NCS1: variants seen among roughly 807,000 people sequenced by gnomAD.
NCS1 encodes the protein frequenin homolog.
NCS1 carries 6 observed loss-of-function variants against 28.4 expected under a neutral mutation model. The observed-to-expected ratio is 0.21, with a 90% CI of 0.12 to 0.42. NCS1 has a LOEUF of 0.42. Ranked by LOEUF, NCS1 falls within the 10% of genes least tolerant of loss-of-function variation. The pLI is 1.00. For missense variants in NCS1, 131 were observed against 241.4 expected, an observed-to-expected ratio of 0.54 and a Z score of 3.03; for synonymous variants, 86 against 99.3, an observed-to-expected ratio of 0.87 and a Z score of 0.79.
chr9:130,173,405 A>C (rs114616401), intron 1 of NCS1, among the ~76,000 whole-genome samples: 3,792 of 152,142 alleles, frequency 0.025, 152 homozygotes, highest in African/African-American at 0.084. Context: ...CCGGAGGAGG[A>C]TGGCCTGTCC....
chr9:130,176,300 C>T (rs1249395327), intron 1 of NCS1, among the ~76,000 whole-genome samples: 1 of 151,498 alleles, frequency 6.6e-6, no homozygotes, highest in Non-Finnish European at 1.5e-5. Context: ...CCAAGCAATC[C>T]TCCTGCCTCA....
intron 1 of NCS1, among the ~76,000 whole-genome samples, chr9:130,179,082 G>A (rs1027713571): frequency 2.6e-5 from 4 of 151,004 alleles, no homozygotes; most frequent in Non-Finnish European, 5.9e-5. Context: ...ACAGGCATCC[G>A]CCACCACTCC....
At chr9:130,190,409 G>A (rs782628271) in intron 1 of NCS1, among the ~76,000 whole-genome samples, 5 of 152,066 alleles carry the variant, frequency 3.3e-5, no homozygotes, top group Admixed American at 2.6e-4. Flanking sequence ...TATTTTCTAC[G>A]TATGTAACTA....
Position 130,226,358 on chromosome 9 carries a change from T to C in NCS1, c.475-31T>C, listed in dbSNP as rs782766647. The C allele has an allele frequency of 5.0e-6, 8 of 1,588,374 alleles. No homozygotes were observed. In the Admixed American group the frequency reaches 1.0e-4, roughly 20 times the overall value. ...TCTAGAGCCCTCTCCTGGGAGGCCCTGCACCCTCAGCCGCCTCTCTCTGCT... is the reference window on the plus strand; with the variant it reads ...TCTAGAGCCCTCTCCTGGGAGGCCCCGCACCCTCAGCCGCCTCTCTCTGCT... On this transcript the variant is annotated intron_variant, in intron 6 of 7. Coordinates refer to ENST00000372398, the MANE Select transcript of NCS1 (RefSeq NM_014286.4). This position sits in a 1 kb window ranked among gnomAD's most constrained non-coding sequence, Gnocchi z 4.8.
intron 1 of NCS1, among the ~76,000 whole-genome samples, chr9:130,190,031 CAAGA>C (rs1564704734): frequency 2.7e-5 from 1 of 37,436 alleles, no homozygotes; most frequent in African/African-American, 9.5e-5. Flanking sequence ...TATGTTTATG[CAAGA>C]GAGAGAGAGA....
intron 7 of NCS1, among the ~76,000 whole-genome samples, chr9:130,231,754 T>C (rs2131164596): frequency 6.6e-6 from 1 of 152,118 alleles, no homozygotes; most frequent in Admixed American, 6.6e-5. Flanking sequence ...GTTAACTCTA[T>C]GTTTAACTTT....
chr9:130,210,340 A>G (rs12002772), intron 2 of NCS1, among the ~76,000 whole-genome samples: 1,609 of 150,508 alleles, frequency 0.011, 24 homozygotes, highest in African/African-American at 0.036. Context: ...CGGAAGTTGC[A>G]GTGAGTGTAG....
At chr9:130,194,220 A>G (rs1203961923) in intron 1 of NCS1, among the ~76,000 whole-genome samples, 1 of 152,118 alleles carries the variant, frequency 6.6e-6, no homozygotes, top group Non-Finnish European at 1.5e-5. Context: ...CAGACTTAAC[A>G]TCCTCCTGGG....
chr9:130,199,372 C>T (rs557229649), intron 1 of NCS1, among the ~76,000 whole-genome samples: 30 of 152,318 alleles, frequency 2.0e-4, no homozygotes, highest in African/African-American at 6.3e-4. Context: ...GGATTACAGG[C>T]GTGAGCCACC....
chr9:130,214,640 G>A (rs927746127), intron 2 of NCS1, among the ~76,000 whole-genome samples: 1 of 152,162 alleles, frequency 6.6e-6, no homozygotes, highest in Admixed American at 6.5e-5. Context: ...CAGGCAGGCT[G>A]AAGAGCAGGG....
chr9:130,206,805 C>A (rs870811), intron 2 of NCS1, among the ~76,000 whole-genome samples: 63,147 of 151,912 alleles, frequency 0.42, 13,549 homozygotes, highest in Admixed American at 0.49. Flanking sequence ...TCCTGAGCCC[C>A]GGCTTTCAGG....
At position 130,181,302 on chromosome 9, in the gene NCS1, G is replaced by A. The variant is rs539239830; in HGVS notation, c.64+8575G>A. On this transcript the variant is annotated intron_variant, in intron 1 of 7. Coordinates refer to ENST00000372398, the MANE Select transcript of NCS1 (RefSeq NM_014286.4). The surrounding 1 kb of genome is among the most constrained non-coding windows in gnomAD (Gnocchi z 5.0). Reference sequence around the variant, plus strand: ...TCTACTACACAGAGCCGTGTGCGGGGTTAGGAATAACAGACGTTGAACTTG... The same window carrying A: ...TCTACTACACAGAGCCGTGTGCGGGATTAGGAATAACAGACGTTGAACTTG... 3.3e-5 allele frequency among the ~76,000 whole-genome samples: 5 copies of A among 152,066 alleles called. No homozygotes were observed. In the South Asian group the frequency reaches 6.2e-4, roughly 19 times the overall value.
chr9:130,226,530 T>A lies in NCS1; in HGVS notation c.*17+26T>A. ...GTGAGTGCAGACTCGGGGCCTGGGG[T>A]GGGTCTGGGATGGGTCAGGGGTGAA... is the stretch of plus-strand genomic sequence containing the variant. On this transcript the variant is annotated intron_variant, in intron 7 of 7. Coordinates refer to ENST00000372398, the MANE Select transcript of NCS1 (RefSeq NM_014286.4). The surrounding 1 kb of genome is among the most constrained non-coding windows in gnomAD (Gnocchi z 4.8). 1 of 1,556,642 alleles carries A rather than the reference T, an allele frequency of 6.4e-7. No individual in the cohort carries two copies. The highest frequency in any genetic ancestry group is 8.8e-7 in the Non-Finnish European group (1 of 1,136,532).
intron 4 of NCS1, among the ~76,000 whole-genome samples, chr9:130,221,405 TATATATATAG>T (rs1426325126): frequency 6.1e-3 from 256 of 41,732 alleles, no homozygotes; most frequent in South Asian, 0.014. Flanking sequence ...TATATATATA[TATATATATAG>T]AGAGAGAGAG....
chr9:130,195,379 G>C (rs1832864718), intron 1 of NCS1, among the ~76,000 whole-genome samples: 1 of 152,000 alleles, frequency 6.6e-6, no homozygotes, highest in Admixed American at 6.5e-5. Flanking sequence ...GCTTCCCAAG[G>C]GGCCAAGGCA....
chr9:130,204,236 A>T (rs1832996630), intron 2 of NCS1, among the ~76,000 whole-genome samples: 1 of 152,002 alleles, frequency 6.6e-6, no homozygotes, highest in Non-Finnish European at 1.5e-5. Context: ...AGCTCAAGTG[A>T]TCTGCCCTCC....
rs150683155 is a variant in NCS1 at position 130,219,760 on chromosome 9, G to A, written c.264G>A (p.Ala88=). 9 of 1,614,088 alleles carry A rather than the reference G, an allele frequency of 5.6e-6. No individual in the cohort carries two copies. The highest frequency in any genetic ancestry group is 2.7e-5 in the African/African-American group (2 of 74,930). The change falls in exon 4 of 8, where the codon GCG becomes GCA. Residue 88 remains alanine (A), a synonymous_variant. Transcript: ENST00000372398. This position sits in a 1 kb window ranked among gnomAD's most constrained non-coding sequence, Gnocchi z 5.7. ...TTGAGTTCTCCGAGTTCATCCAGGC[G>A]CTGTCGGTGACCTCACGGGGAACCC... The part of the protein sequence containing the change: ...GRIEFSEFIQ[A]LSVTSRGTLD...
At chr9:130,231,532 C>T (rs1029922697) in intron 7 of NCS1, among the ~76,000 whole-genome samples, 54 of 151,712 alleles carry the variant, frequency 3.6e-4, no homozygotes, top group Non-Finnish European at 5.2e-4. Context: ...TACAGGCACA[C>T]ACCACCACGC....
intron 2 of NCS1, among the ~76,000 whole-genome samples, chr9:130,205,690 A>AT (rs1169449053): frequency 6.6e-6 from 1 of 151,594 alleles, no homozygotes; most frequent in Non-Finnish European, 1.5e-5. Flanking sequence ...AAAAAAAAAA[A>AT]AGCTGGACAT....
Sources: allele counts gnomAD v4.1 joint callset (sites outside exome capture counted in the v4.1 genomes callset), GRCh38; gene constraint gnomAD v4.1.1; non-coding constraint Gnocchi (gnomAD v3.1); transcripts MANE v1.5; gene names NCBI Gene and HGNC (gene_info 2026-07-23, HGNC 2026-07-21).